RIMKLA: variants seen among roughly 807,000 people sequenced by gnomAD.
RIMKLA encodes the protein N-acetylaspartylglutamate synthase A.
RIMKLA carries 14 observed loss-of-function variants against 32.7 expected under a neutral mutation model. That is an observed-to-expected ratio of 0.43 (90% CI 0.28 to 0.67). RIMKLA has a LOEUF of 0.67. Ranked by LOEUF, RIMKLA falls within the 30% of genes least tolerant of loss-of-function variation. The pLI is 0.18. For missense variants in RIMKLA, 410 were observed against 519.0 expected, an observed-to-expected ratio of 0.79 and a Z score of 2.04; for synonymous variants, 176 against 204.1, an observed-to-expected ratio of 0.86 and a Z score of 1.18.
rs1279918270 is a variant in RIMKLA, at chr1:42,399,521, T to A, written c.281T>A (p.Leu94Gln). ...DITVLRHLEK[L>Q]GCRLVNRPQS... ...ACTGTCCTGCGACACCTGGAGAAGC[T>A]GGGCTGCCGGTTGGTCAATCGCCCA... The change falls in exon 2 of 5, where the codon CTG becomes CAG. Residue 94 changes from leucine to glutamine, a missense_variant. Physicochemically the swap from Leu to Gln is moderately radical, Grantham distance 113. Transcript: ENST00000431473. 6.2e-6 allele frequency: 10 copies of A among 1,613,568 alleles called. No individual in the cohort carries two copies. The highest frequency in any genetic ancestry group is 8.5e-6 in the Non-Finnish European group (10 of 1,179,826).
chr1:42,392,501 C>A (rs1296473243), intron 1 of RIMKLA, among the ~76,000 whole-genome samples: 4 of 152,120 alleles, frequency 2.6e-5, no homozygotes, highest in Non-Finnish European at 5.9e-5. Flanking sequence ...TGGCTTTTAC[C>A]ATTTGATTGC....
intron 4 of RIMKLA, among the ~76,000 whole-genome samples, chr1:42,413,862 A>G (rs1643223004): frequency 6.7e-6 from 1 of 149,054 alleles, no homozygotes; most frequent in Non-Finnish European, 1.5e-5. Flanking sequence ...CCTCCCAAGT[A>G]GCTGGAACTG....
intron 1 of RIMKLA, among the ~76,000 whole-genome samples, chr1:42,392,521 C>T (rs568218787): frequency 3.3e-5 from 5 of 152,244 alleles, no homozygotes; most frequent in South Asian, 2.1e-4. Flanking sequence ...CACCAGGGCC[C>T]GGCTTCTGAC....
intron 4 of RIMKLA, among the ~76,000 whole-genome samples, chr1:42,413,513 A>G (rs796758541): frequency 3.7e-5 from 1 of 26,946 alleles, no homozygotes; most frequent in African/African-American, 1.2e-4. Flanking sequence ...AAAAAAAAAA[A>G]AAAAAAAAAA....
rs769627893 is a variant in RIMKLA at position 42,414,512 on chromosome 1, A to G, written c.714A>G (p.Thr238=). The G allele has an allele frequency of 6.2e-7, 1 of 1,614,244 alleles. No individual in the cohort carries two copies. The highest frequency in any genetic ancestry group is 8.5e-7 in the Non-Finnish European group (1 of 1,180,036). The change falls in exon 5 of 5, where the codon ACA becomes ACG. Residue 238 remains threonine, a synonymous_variant. Coordinates refer to ENST00000431473, the MANE Select transcript of RIMKLA (RefSeq NM_173642.4). ...GCGTGGGCGTCAAGTGTCCGCTGAC[A>G]GAACAAGGCAAGCAGTTGGCTATTC... The part of the protein sequence containing the change: ...LGGVGVKCPL[T]EQGKQLAIQV...
chr1:42,386,880 CAAAT>C (rs151298858), intron 1 of RIMKLA, among the ~76,000 whole-genome samples: 225 of 121,120 alleles, frequency 1.9e-3, no homozygotes, highest in African/African-American at 4.5e-3. Context: ...GACTCCATCT[CAAAT>C]AAATAAATAA....
At position 42,388,413 on chromosome 1, in the gene RIMKLA, C is replaced by T. The variant is rs141372233; in HGVS notation, c.163+7316C>T. ...AAAGACAGGGTTTTGCCACGTTGTT[C>T]AGGCTGGTCTTGAACTGCTGGCCTC... On this transcript the variant is annotated intron_variant, in intron 1 of 4. Coordinates refer to ENST00000431473, the MANE Select transcript of RIMKLA (RefSeq NM_173642.4). Among the ~76,000 whole-genome samples, 251 of 152,122 alleles carry T rather than the reference C, an allele frequency of 1.6e-3. 5 individuals are homozygous for T. The East Asian group carries it at 0.044, about 27-fold the overall frequency.
chr1:42,384,694 A>G (rs1642922497), intron 1 of RIMKLA, among the ~76,000 whole-genome samples: 1 of 151,612 alleles, frequency 6.6e-6, no homozygotes, highest in African/African-American at 2.4e-5. Context: ...CTTTTTACCT[A>G]TTAGCTCTTC....
At chr1:42,381,800 GT>G (rs1474475692) in intron 1 of RIMKLA, among the ~76,000 whole-genome samples, 3 of 152,160 alleles carry the variant, frequency 2.0e-5, no homozygotes, top group Non-Finnish European at 2.9e-5. Flanking sequence ...GTTGTCATCT[GT>G]GGGTTTGACC....
chr1:42,414,509 G>A lies in RIMKLA; in HGVS notation c.711G>A (p.Leu237=). The change falls in exon 5 of 5, where the codon CTG becomes CTA. Residue 237 remains leucine, a synonymous_variant. Coordinates refer to ENST00000431473, the MANE Select transcript of RIMKLA (RefSeq NM_173642.4). ...GTGGCGTGGGCGTCAAGTGTCCGCT[G>A]ACAGAACAAGGCAAGCAGTTGGCTA... The part of the protein sequence containing the change: ...SLGGVGVKCP[L]TEQGKQLAIQ... The A allele has an allele frequency of 6.2e-7, 1 of 1,614,160 alleles. No homozygotes were observed. Among genetic ancestry groups the A allele is most frequent in the Non-Finnish European group, 8.5e-7 (1 of 1,180,012 alleles).
At position 42,419,736 on chromosome 1, in the gene RIMKLA, A is replaced by G. The variant is rs887994328; in HGVS notation, c.*4762A>G. On this transcript the variant is annotated 3_prime_UTR_variant, in exon 5 of 5. Transcript: ENST00000431473. Reference sequence around the variant, plus strand: ...CCCCAAAGGCATGTATATTTCCATGATGCAAGCTGGCTCATGGCCCGCACC... The same window carrying G: ...CCCCAAAGGCATGTATATTTCCATGGTGCAAGCTGGCTCATGGCCCGCACC... 2 of 152,246 alleles carry G rather than the reference A, an allele frequency of 1.3e-5. No individual in the cohort carries two copies. The highest frequency in any genetic ancestry group is 4.8e-5 in the African/African-American group (2 of 41,456). The allele number at this position is 152,246 out of a possible 1,614,324, so 9.4% of individuals were successfully genotyped here.
chr1:42,401,335 T>C (rs1643095404), intron 2 of RIMKLA, among the ~76,000 whole-genome samples: 1 of 151,580 alleles, frequency 6.6e-6, no homozygotes, highest in African/African-American at 2.4e-5. Context: ...AGGGAATGGG[T>C]ACAGGAAGAG....
Position 42,414,983 on chromosome 1 carries a change from T to C in RIMKLA, c.*9T>C. On this transcript the variant is annotated 3_prime_UTR_variant, in exon 5 of 5. Coordinates refer to ENST00000431473, the MANE Select transcript of RIMKLA (RefSeq NM_173642.4). ...AGTTAAAACTTAAGTGAATTCCTGC[T>C]TTTTGGCAGCATTTAAACCAAATCC... The C allele has an allele frequency of 6.3e-7, 1 of 1,591,946 alleles. No homozygotes were observed. The highest frequency in any genetic ancestry group is 8.6e-7 in the Non-Finnish European group (1 of 1,169,132).
At chr1:42,408,230 A>G (rs1282066480) in intron 3 of RIMKLA, among the ~76,000 whole-genome samples, 1 of 152,044 alleles carries the variant, frequency 6.6e-6, no homozygotes, top group East Asian at 1.9e-4. Flanking sequence ...CTTCCCTGAC[A>G]TTGACACCCA....
Position 42,399,623 on chromosome 1 carries a change from C to T in RIMKLA, c.383C>T (p.Thr128Ile). 1 of 1,601,708 alleles carries T rather than the reference C, an allele frequency of 6.2e-7. No homozygotes were observed. The highest frequency in any genetic ancestry group is 8.5e-7 in the Non-Finnish European group (1 of 1,172,094). The change falls in exon 2 of 5, where the codon ACC (threonine) becomes ATC (isoleucine). Residue 128 changes from threonine (T) to isoleucine (I), a missense_variant. Coordinates refer to ENST00000431473, the MANE Select transcript of RIMKLA (RefSeq NM_173642.4). ...LAGHGVPMPD[T>I]FSYGGHEDFS... Reference sequence around the variant, plus strand: ...GGACATGGGGTCCCCATGCCAGACACCTTCTCCTATGGTGAGTCAGCTTGA... The same window carrying T: ...GGACATGGGGTCCCCATGCCAGACATCTTCTCCTATGGTGAGTCAGCTTGA...
At chr1:42,405,628 C>T (rs184201860) in intron 3 of RIMKLA, among the ~76,000 whole-genome samples, 44 of 152,124 alleles carry the variant, frequency 2.9e-4, no homozygotes, top group Admixed American at 7.9e-4. Context: ...CTATCCTGGG[C>T]GACAGAGTGA....
intron 4 of RIMKLA, among the ~76,000 whole-genome samples, chr1:42,412,212 T>G (rs151121812): frequency 8.5e-5 from 13 of 152,302 alleles, no homozygotes; most frequent in Non-Finnish European, 1.5e-4. Context: ...GAGAATACAA[T>G]TCTTAAATCT....
chr1:42,412,556 G>A (rs1643207310), intron 4 of RIMKLA: 3 of 463,652 alleles, frequency 6.5e-6, no homozygotes, highest in South Asian at 4.8e-5. Context: ...TCTTCAAATT[G>A]CACATCAGAC....
chr1:42,415,252 GAC>G lies in RIMKLA; in HGVS notation c.*279_*280del, dbSNP rs1469334577. 9 of 342,632 alleles carry G rather than the reference GAC, an allele frequency of 2.6e-5. No homozygotes were observed. Among genetic ancestry groups the G allele is most frequent in the Non-Finnish European group, 4.8e-5 (9 of 188,540 alleles). The allele number at this position is 342,632 out of a possible 1,614,324, so 21.2% of individuals were successfully genotyped here. On this transcript the variant is annotated 3_prime_UTR_variant, in exon 5 of 5. Transcript: ENST00000431473. ...ATATTACGGCTGACGCTAAGGCACT[GAC>G]TCTGCTGTTGCTTCTGACTTTTAGC... is the stretch of plus-strand genomic sequence containing the variant.
Sources: allele counts gnomAD v4.1 joint callset (sites outside exome capture counted in the v4.1 genomes callset), GRCh38; gene constraint gnomAD v4.1.1; transcripts MANE v1.5; gene names NCBI Gene and HGNC (gene_info 2026-07-23, HGNC 2026-07-21).